The following GPC6 variants were observed in gnomAD, a reference collection of about 807,000 sequenced individuals.
The protein encoded by GPC6 is glypican-6.
Under a neutral mutation model 55.2 loss-of-function variants are expected in GPC6, and 14 were observed. The ratio of observed to expected loss-of-function variants is 0.25; its 90% CI spans 0.17 to 0.40. The LOEUF is 0.40. Ranked by LOEUF, GPC6 falls within the 10% of genes least tolerant of loss-of-function variation. GPC6 has a pLI of 1.00. For missense variants in GPC6, 641 were observed against 708.5 expected, an observed-to-expected ratio of 0.90 and a Z score of 1.08; for synonymous variants, 278 against 259.6, an observed-to-expected ratio of 1.07 and a Z score of -0.68.
At position 93,372,880 on chromosome 13, in the gene GPC6, AAAC is replaced by A. The variant is rs148087053; in HGVS notation, c.160+145268_160+145270del. On this transcript the variant is annotated intron_variant, in intron 1 of 8. Coordinates refer to ENST00000377047, the MANE Select transcript of GPC6 (RefSeq NM_005708.5). ...GAAAATTGTTCTTGAAGGACACACTAAACAACTGTGGTTTGTATTTGTTTGTAA... is the reference window on the plus strand; with the variant it reads ...GAAAATTGTTCTTGAAGGACACACTAAACTGTGGTTTGTATTTGTTTGTAA... Among the ~76,000 whole-genome samples the A allele has an allele frequency of 3.1e-3, 478 of 152,298 alleles. 1 individual carries two copies. Among genetic ancestry groups the A allele is most frequent in the African/African-American group, 0.011 (456 of 41,560 alleles).
At chr13:93,678,358 C>T (rs1881724664) in intron 2 of GPC6, among the ~76,000 whole-genome samples, 1 of 152,048 alleles carries the variant, frequency 6.6e-6, no homozygotes, top group African/African-American at 2.4e-5. Context: ...TGGATACTTC[C>T]AGTATTTTGC....
intron 6 of GPC6, among the ~76,000 whole-genome samples, chr13:94,357,292 T>C (rs1878845918): frequency 6.6e-6 from 1 of 152,078 alleles, no homozygotes; most frequent in South Asian, 2.1e-4. Flanking sequence ...CATGAGCCTT[T>C]CAACATGGGC....
intron 6 of GPC6, among the ~76,000 whole-genome samples, chr13:94,327,304 C>T (rs906559498): frequency 1.3e-5 from 2 of 152,122 alleles, no homozygotes; most frequent in Admixed American, 6.6e-5. Context: ...CTTGGAATTT[C>T]GTGGAGATGA....
chr13:93,663,098 A>C (rs1880991793), intron 2 of GPC6, among the ~76,000 whole-genome samples: 1 of 108,336 alleles, frequency 9.2e-6, no homozygotes. Context: ...CTGGTTGCAA[A>C]AAAAAAAAAA....
chr13:93,317,593 T>C (rs1285801631), intron 1 of GPC6, among the ~76,000 whole-genome samples: 2 of 152,162 alleles, frequency 1.3e-5, no homozygotes, highest in African/African-American at 2.4e-5. Context: ...GTTGGATTAC[T>C]GAAAGCTTTT....
chr13:94,272,168 C>G (rs1236370006), intron 4 of GPC6, among the ~76,000 whole-genome samples: 1 of 152,056 alleles, frequency 6.6e-6, no homozygotes, highest in African/African-American at 2.4e-5. Context: ...TCACTAATCA[C>G]ACTGTTTGAA....
intron 4 of GPC6, among the ~76,000 whole-genome samples, chr13:94,081,700 T>A (rs1319638150): frequency 6.6e-6 from 1 of 152,194 alleles, no homozygotes; most frequent in Admixed American, 6.5e-5. Flanking sequence ...TTACTCAGGT[T>A]GCAAAGCCCA....
At chr13:94,163,455 AC>A (rs1302895618) in intron 4 of GPC6, among the ~76,000 whole-genome samples, 10 of 152,294 alleles carry the variant, frequency 6.6e-5, no homozygotes, top group South Asian at 2.1e-4. Context: ...TTTTAAAAAA[AC>A]AATAACCAAA....
chr13:93,242,416 G>A (rs1876464172), intron 1 of GPC6, among the ~76,000 whole-genome samples: 1 of 152,116 alleles, frequency 6.6e-6, no homozygotes, highest in African/African-American at 2.4e-5. Context: ...TGTAGAGAGG[G>A]AGCAGGGCTC....
chr13:93,260,345 T>C (rs912712180), intron 1 of GPC6, among the ~76,000 whole-genome samples: 4 of 152,158 alleles, frequency 2.6e-5, no homozygotes, highest in African/African-American at 9.6e-5. Flanking sequence ...TTCATTTTGT[T>C]AATAGAATTC....
chr13:93,434,275 C>T (rs543658499), intron 1 of GPC6, among the ~76,000 whole-genome samples: 1 of 152,176 alleles, frequency 6.6e-6, no homozygotes, highest in Non-Finnish European at 1.5e-5. Context: ...TACTACATAG[C>T]ACAGCCTATA....
At chr13:93,577,773 A>T (rs1021831376) in intron 2 of GPC6, among the ~76,000 whole-genome samples, 4 of 152,042 alleles carry the variant, frequency 2.6e-5, no homozygotes, top group African/African-American at 9.7e-5. Flanking sequence ...GAAAGTGGAC[A>T]TCCTTGTCTT....
chr13:94,100,949 G>A (rs1204028364), intron 4 of GPC6, among the ~76,000 whole-genome samples: 3 of 152,200 alleles, frequency 2.0e-5, no homozygotes, highest in Admixed American at 6.5e-5. Flanking sequence ...ACAGTCAATA[G>A]GTTGAAAGAA....
chr13:94,266,230 A>G (rs544219871), intron 4 of GPC6, among the ~76,000 whole-genome samples: 20 of 150,120 alleles, frequency 1.3e-4, no homozygotes, highest in South Asian at 6.3e-4. Context: ...GTGCAGTGGC[A>G]CGATCTTGGC....
At chr13:93,221,659 A>G in the GPC6 span, among the ~76,000 whole-genome samples, 2 of 152,194 alleles carry the variant, frequency 1.3e-5, no homozygotes, top group Non-Finnish European at 2.9e-5. Context: ...AAAGATTTTC[A>G]CCATTTCTGG....
At chr13:93,475,928 G>A (rs1301539339) in intron 1 of GPC6, among the ~76,000 whole-genome samples, 1 of 151,762 alleles carries the variant, frequency 6.6e-6, no homozygotes, top group Non-Finnish European at 1.5e-5. Context: ...TAGTCTAGGA[G>A]AATTATTTGT....
chr13:93,665,957 C>T (rs189747560), intron 2 of GPC6, among the ~76,000 whole-genome samples: 5 of 152,130 alleles, frequency 3.3e-5, no homozygotes, highest in Admixed American at 6.5e-5. Flanking sequence ...GTGCTATACC[C>T]GTAAGTCAGG....
At chr13:93,254,434 A>C (rs1876884704) in intron 1 of GPC6, among the ~76,000 whole-genome samples, 2 of 152,206 alleles carry the variant, frequency 1.3e-5, no homozygotes, top group Admixed American at 6.5e-5. Flanking sequence ...AGATGATACT[A>C]ATGGTGTGGC....
intron 1 of GPC6, among the ~76,000 whole-genome samples, chr13:93,244,239 C>A (rs906737686): frequency 1.1e-4 from 17 of 152,206 alleles, no homozygotes; most frequent in African/African-American, 4.1e-4. Flanking sequence ...CAAGGCAGAT[C>A]TCACACCCAC....
Sources: gnomAD v4.1 joint callset for allele counts (sites outside exome capture counted in the v4.1 genomes callset) on GRCh38, gnomAD v4.1.1 for gene constraint, MANE v1.5 for transcripts, NCBI Gene and HGNC (gene_info 2026-07-23, HGNC 2026-07-21) for gene names.